Variants in PCSK5 observed in about 807,000 individuals in gnomAD.
PCSK5 encodes proprotein convertase subtilisin/kexin type 5.
A neutral mutation model predicts 233.2 loss-of-function variants in PCSK5; 129 were observed. The observed-to-expected ratio is 0.55, with a 90% CI of 0.48 to 0.64. The LOEUF is 0.64. Among genes scored for constraint, PCSK5 ranks in the 30% least tolerant of loss-of-function variants. The probability of loss-of-function intolerance (pLI) is 0.00; values close to 1 mark genes in which losing one functional copy is unlikely to be tolerated. For missense variants in PCSK5, 2,076 were observed against 2,430.1 expected, an observed-to-expected ratio of 0.85 and a Z score of 3.06; for synonymous variants, 825 against 879.2, an observed-to-expected ratio of 0.94 and a Z score of 1.09.
At chr9:76,090,236 G>A (rs1467774) in intron 7 of PCSK5, among the ~76,000 whole-genome samples, 70,736 of 151,578 alleles carry the variant, frequency 0.47, 16,796 homozygotes, top group South Asian at 0.53. Flanking sequence ...CCTTCTCCCT[G>A]CACCCCACAT....
chr9:76,329,249 C>T (rs965557760), intron 33 of PCSK5, among the ~76,000 whole-genome samples: 3 of 152,088 alleles, frequency 2.0e-5, no homozygotes, highest in Admixed American at 2.0e-4. Flanking sequence ...GATCCTCCTG[C>T]CTCAGCCTCC....
At chr9:76,148,503 A>G (rs539594075) in intron 10 of PCSK5, among the ~76,000 whole-genome samples, 139 of 152,076 alleles carry the variant, frequency 9.1e-4, no homozygotes, top group African/African-American at 3.3e-3. Flanking sequence ...GACTTCATCC[A>G]CTACCGATCT....
intron 2 of PCSK5, among the ~76,000 whole-genome samples, chr9:75,934,110 A>G (rs1823938943): frequency 6.6e-6 from 1 of 152,112 alleles, no homozygotes; most frequent in South Asian, 2.1e-4. Flanking sequence ...TCCGACAGAG[A>G]CCTTGTATGC....
intron 5 of PCSK5, among the ~76,000 whole-genome samples, chr9:76,056,899 A>C (rs945632601): frequency 4.6e-5 from 7 of 152,132 alleles, no homozygotes; most frequent in Non-Finnish European, 1.0e-4. Flanking sequence ...GATTTATATA[A>C]TGGGTTGTCT....
At chr9:76,120,280 A>G (rs1450971844) in intron 9 of PCSK5, among the ~76,000 whole-genome samples, 1 of 152,118 alleles carries the variant, frequency 6.6e-6, no homozygotes, top group East Asian at 1.9e-4. Context: ...CCAAATCTTT[A>G]AACATTACAG....
intron 22 of PCSK5, among the ~76,000 whole-genome samples, chr9:76,234,338 C>G (rs1826187207): frequency 6.6e-6 from 1 of 152,098 alleles, no homozygotes; most frequent in Non-Finnish European, 1.5e-5. Flanking sequence ...CAAATCATTA[C>G]CTGGAGTCCA....
intron 28 of PCSK5, among the ~76,000 whole-genome samples, chr9:76,307,288 T>C (rs530147941): frequency 6.6e-6 from 1 of 151,878 alleles, no homozygotes; most frequent in East Asian, 1.9e-4. Context: ...AGAAAGAAGA[T>C]GAAAGGCAGG....
rs1220645277 is a variant in PCSK5, at chr9:76,359,566, C to G, written c.*644C>G. On this transcript the variant is annotated 3_prime_UTR_variant, in exon 38 of 38. Transcript: ENST00000674117. ...GAGAAGGTGCATCATAGCTGAGGAG[C>G]CATGAGGTCACCCCAGGCCCTAGTT... The G allele has an allele frequency of 1.3e-5, 2 of 152,326 alleles. No individual in the cohort carries two copies. Among genetic ancestry groups the G allele is most frequent in the Non-Finnish European group, 2.9e-5 (2 of 68,242 alleles). The allele number at this position is 152,326 out of a possible 1,614,324, so 9.4% of individuals were successfully genotyped here.
chr9:76,000,221 G>A (rs1827205030), intron 3 of PCSK5, among the ~76,000 whole-genome samples: 1 of 152,026 alleles, frequency 6.6e-6, no homozygotes, highest in African/African-American at 2.4e-5. Flanking sequence ...CATGTGATCT[G>A]GATTTTGCTG....
chr9:76,249,796 G>C (rs1276774300), intron 24 of PCSK5, among the ~76,000 whole-genome samples: 2 of 152,186 alleles, frequency 1.3e-5, no homozygotes, highest in African/African-American at 4.8e-5. Flanking sequence ...ATATGTCAAA[G>C]GGACACAAGA....
Position 76,269,004 on chromosome 9 carries a change from A to G in PCSK5, c.3143-23229A>G, listed in dbSNP as rs1370170525. On this transcript the variant is annotated intron_variant, in intron 24 of 37. Coordinates refer to ENST00000674117, the MANE Select transcript of PCSK5 (RefSeq NM_001372043.1). ...CAGTTTCTTCATCTGTAAAATTTGG[A>G]AAGGGGTGAAATTCATATCTACAAG... Among the ~76,000 whole-genome samples the G allele has an allele frequency of 5.9e-5, 9 of 152,190 alleles. 1 individual carries two copies. Among genetic ancestry groups the G allele is most frequent in the South Asian group, 4.1e-4 (2 of 4,828 alleles).
chr9:76,174,082 A>G (rs887401294), intron 13 of PCSK5, among the ~76,000 whole-genome samples: 1 of 152,190 alleles, frequency 6.6e-6, no homozygotes, highest in Non-Finnish European at 1.5e-5. Context: ...AGCACTGGAA[A>G]TATGGTTAGT....
At chr9:75,953,875 T>C (rs940781206) in intron 2 of PCSK5, among the ~76,000 whole-genome samples, 4 of 152,110 alleles carry the variant, frequency 2.6e-5, no homozygotes, top group Admixed American at 1.3e-4. Context: ...TGAGTAGAGA[T>C]GGCATTTTAC....
At chr9:75,900,982 T>C (rs1373757145) in intron 1 of PCSK5, among the ~76,000 whole-genome samples, 1 of 151,330 alleles carries the variant, frequency 6.6e-6, no homozygotes, top group Non-Finnish European at 1.5e-5. Context: ...GCATGCAGGG[T>C]GTAAGTAAAG....
chr9:76,144,374 C>T (rs1823354609), intron 10 of PCSK5, among the ~76,000 whole-genome samples: 1 of 152,156 alleles, frequency 6.6e-6, no homozygotes, highest in Non-Finnish European at 1.5e-5. Context: ...ATCTTAGAGG[C>T]CTAAAACTCC....
intron 2 of PCSK5, among the ~76,000 whole-genome samples, chr9:75,965,819 G>C (rs1015477804): frequency 6.6e-6 from 1 of 152,124 alleles, no homozygotes; most frequent in Non-Finnish European, 1.5e-5. Flanking sequence ...AAAGCCAGTT[G>C]TTTGCTTTTT....
Position 76,097,539 on chromosome 9 carries a change from T to C in PCSK5, c.1107+1437T>C, listed in dbSNP as rs182684870. ...GGATCTCCCGTTTAGCAACATATCC[T>C]GCACTCTAGGCAAACAGCCAGTGTA... On this transcript the variant is annotated intron_variant, in intron 8 of 37. Coordinates refer to ENST00000674117, the MANE Select transcript of PCSK5 (RefSeq NM_001372043.1). Among the ~76,000 whole-genome samples the C allele has an allele frequency of 3.9e-5, 6 of 152,346 alleles. No homozygotes were observed. The East Asian group carries it at 1.2e-3, about 29-fold the overall frequency.
At chr9:76,296,081 A>G (rs899915867) in intron 26 of PCSK5, among the ~76,000 whole-genome samples, 1 of 152,140 alleles carries the variant, frequency 6.6e-6, no homozygotes, top group African/African-American at 2.4e-5. Context: ...GGACTTAGGT[A>G]AAGTGTTGGA....
intron 2 of PCSK5, among the ~76,000 whole-genome samples, chr9:75,957,075 C>T (rs1355945845): frequency 6.6e-6 from 1 of 152,148 alleles, no homozygotes; most frequent in Non-Finnish European, 1.5e-5. Context: ...GGGCTGCTGT[C>T]TGTAGGCTTA....
Sources: allele counts gnomAD v4.1 joint callset (sites outside exome capture counted in the v4.1 genomes callset), GRCh38; gene constraint gnomAD v4.1.1; transcripts MANE v1.5; gene names NCBI Gene and HGNC (gene_info 2026-07-23, HGNC 2026-07-21).